POLA1: variants seen among roughly 807,000 people sequenced by gnomAD.
POLA1 encodes DNA polymerase alpha catalytic subunit.
In POLA1, 15 loss-of-function variants were observed where a neutral mutation model predicts 124.0. That is an observed-to-expected ratio of 0.12 (90% confidence interval 0.08 to 0.19). POLA1 has a LOEUF of 0.19. Among genes scored for constraint, POLA1 ranks in the 10% least tolerant of loss-of-function variants. POLA1 has a pLI of 1.00. For synonymous variants in POLA1, 408 were observed against 389.4 expected (o/e 1.05, Z -0.56); for missense variants, 886 against 1,103.4 (o/e 0.80, Z 2.79).
intron 36 of POLA1, among the ~76,000 whole-genome samples, chrX:24,972,504 G>A (rs772543814): frequency 3.6e-5 from 4 of 111,747 alleles, no homozygotes; most frequent in African/African-American, 1.3e-4. Flanking sequence ...TGCTCACCCT[G>A]CAGTTCCCAA....
At chrX:24,770,466 A>G (rs2045006604) in intron 26 of POLA1, among the ~76,000 whole-genome samples, 1 of 111,974 alleles carries the variant, frequency 8.9e-6, no homozygotes. Flanking sequence ...CCAGAGAGGT[A>G]CGGGATGTCG....
At chrX:24,784,870 T>C (rs988273205) in intron 26 of POLA1, among the ~76,000 whole-genome samples, 2 of 111,368 alleles carry the variant, frequency 1.8e-5, no homozygotes, top group Admixed American at 1.9e-4. Flanking sequence ...TAGGTGCAGG[T>C]ACACTGTTCT....
chrX:24,808,169 C>T (rs57038548), intron 26 of POLA1, among the ~76,000 whole-genome samples: 3,255 of 111,690 alleles, frequency 0.029, 112 homozygotes, highest in African/African-American at 0.099. Flanking sequence ...GCTATGGAGT[C>T]AGGCGCTTTC....
At chrX:24,990,230 GTT>G (rs1034892743) in intron 36 of POLA1, among the ~76,000 whole-genome samples, 26 of 112,157 alleles carry the variant, frequency 2.3e-4, no homozygotes, top group African/African-American at 8.4e-4. Flanking sequence ...ATTCTAAATG[GTT>G]TTGATATTTC....
Position 24,996,165 on chromosome X carries a change from C to G in POLA1, c.*215C>G. On this transcript the variant is annotated 3_prime_UTR_variant, in exon 37 of 37. Coordinates refer to ENST00000379068, the MANE Select transcript of POLA1 (RefSeq NM_001330360.2). ...ATTCCTGTCTTCATATTAAGATGTA[C>G]TGCTTTAAAACACAACTCCAGAGCC... The G allele has an allele frequency of 2.8e-6, 1 of 361,347 alleles. No homozygotes were observed. Among genetic ancestry groups the G allele is most frequent in the Non-Finnish European group, 4.8e-6 (1 of 207,471 alleles). The allele number at this position is 361,347 out of a possible 1,213,427, so 29.8% of individuals were successfully genotyped here. A position where few individuals can be genotyped will look rare whatever the true frequency, so the allele number is the denominator to read the frequency against.
intron 15 of POLA1, among the ~76,000 whole-genome samples, chrX:24,728,852 A>G (rs777605678): frequency 8.9e-6 from 1 of 112,299 alleles, no homozygotes; most frequent in African/African-American, 3.2e-5. Flanking sequence ...TGCAAAGCCT[A>G]AAATATTTAC....
intron 26 of POLA1, among the ~76,000 whole-genome samples, chrX:24,797,296 T>A (rs1050803663): frequency 9.0e-5 from 10 of 111,716 alleles, no homozygotes; most frequent in African/African-American, 1.3e-4. Flanking sequence ...AAAAAAAAAA[T>A]TTGTTTTTTT....
At chrX:24,742,377 C>T (rs1931725663) in intron 22 of POLA1, among the ~76,000 whole-genome samples, 1 of 112,361 alleles carries the variant, frequency 8.9e-6, no homozygotes, top group African/African-American at 3.2e-5. Flanking sequence ...CATTAGACCT[C>T]TCTGATGGGT....
At chrX:24,863,135 T>A (rs1705667425) in intron 34 of POLA1, among the ~76,000 whole-genome samples, 2 of 111,780 alleles carry the variant, frequency 1.8e-5, no homozygotes, top group African/African-American at 6.5e-5. Context: ...ATGTAATACA[T>A]TTTTGAGGAC....
At chrX:24,732,309 T>G in intron 15 of POLA1, 61 bp from the exon 16 acceptor site, 1 of 719,669 alleles carries the variant, frequency 1.4e-6, no homozygotes, top group Non-Finnish European at 2.2e-6. Context: ...GTGATTTTGG[T>G]GAGAATGCAG....
intron 26 of POLA1, among the ~76,000 whole-genome samples, chrX:24,758,242 G>A (rs2148419658): frequency 9.0e-6 from 1 of 110,567 alleles, no homozygotes; most frequent in Admixed American, 9.6e-5. Context: ...TATATGGTAA[G>A]CATATAATAT....
chrX:24,714,597 G>A lies in POLA1; in HGVS notation c.390G>A (p.Lys130=), dbSNP rs1362934099. 1.7e-6 allele frequency: 2 copies of A among 1,200,660 alleles called. No homozygotes were observed. The highest frequency in any genetic ancestry group is 3.6e-5 in the South Asian group (2 of 55,298). ...GCAATAAAGACAAGAGGAATGTAAA[G>A]AAGCTCGCAGTGACAAAACCGAACA... The part of the protein sequence containing the change: ...KARNKDKRNV[K]KLAVTKPNNI... The change falls in exon 5 of 37, where the codon AAG becomes AAA. Residue 130 remains lysine, a synonymous_variant. Transcript: ENST00000379068.
intron 10 of POLA1, among the ~76,000 whole-genome samples, chrX:24,721,999 C>T (rs1930232156): frequency 9.0e-6 from 1 of 110,691 alleles, no homozygotes; most frequent in Non-Finnish European, 1.9e-5. Context: ...CCTCCGTTAC[C>T]CCCTCAAGCT....
At chrX:24,841,172 C>T (rs1333150538) in intron 32 of POLA1, among the ~76,000 whole-genome samples, 3 of 112,133 alleles carry the variant, frequency 2.7e-5, no homozygotes, top group Non-Finnish European at 3.8e-5. Flanking sequence ...TAGATTGCAA[C>T]CTACATGCTG....
At chrX:24,984,723 G>A (rs1177935067) in intron 36 of POLA1, among the ~76,000 whole-genome samples, 10 of 100,575 alleles carry the variant, frequency 9.9e-5, no homozygotes, top group Non-Finnish European at 1.8e-4. Context: ...GCAGTGGCGC[G>A]ATCTCGGCTC....
At chrX:24,694,719 A>AT (rs1327709593) in intron 1 of POLA1, among the ~76,000 whole-genome samples, 1 of 112,263 alleles carries the variant, frequency 8.9e-6, no homozygotes, top group East Asian at 2.8e-4. Flanking sequence ...GATTTGTCTG[A>AT]TTTTTTAAGT....
chrX:24,901,346 A>G (rs941450915), intron 35 of POLA1, among the ~76,000 whole-genome samples: 12 of 111,321 alleles, frequency 1.1e-4, no homozygotes, highest in Non-Finnish European at 2.1e-4. Flanking sequence ...TGTATAAGGG[A>G]TCTGGAACAG....
intron 6 of POLA1, 52 bp from the exon 7 acceptor site, chrX:24,716,310 T>A (rs1929832149): frequency 1.6e-6 from 1 of 633,090 alleles, no homozygotes; most frequent in Middle Eastern, 3.0e-4. Flanking sequence ...ATACTTTTTC[T>A]GTCTGTGGTA....
intron 32 of POLA1, among the ~76,000 whole-genome samples, chrX:24,840,255 G>A (rs2046393014): frequency 2.7e-5 from 3 of 112,447 alleles, no homozygotes; most frequent in Admixed American, 9.4e-5. Context: ...AATCTTGAGC[G>A]AGTACAGTCT....
Sources: gnomAD v4.1 joint callset for allele counts (sites outside exome capture counted in the v4.1 genomes callset) on GRCh38, gnomAD v4.1.1 for gene constraint, MANE v1.5 for transcripts, NCBI Gene and HGNC (gene_info 2026-07-23, HGNC 2026-07-21) for gene names.